Variants in HLA-DRB5 observed in about 807,000 individuals in gnomAD.
The protein encoded by HLA-DRB5 is major histocompatibility complex, class II, DR beta 5.
A neutral mutation model predicts 22.4 loss-of-function variants in HLA-DRB5; 11 were observed. The ratio of observed to expected loss-of-function variants is 0.49; its 90% confidence interval spans 0.31 to 0.81. The LOEUF (loss-of-function observed/expected upper bound fraction) is 0.81. HLA-DRB5 is among the 40% of genes least tolerant of loss of function. The pLI is 0.05. For synonymous variants in HLA-DRB5, 57 were observed against 106.0 expected, an observed-to-expected ratio of 0.54 and a Z score of 2.84; for missense variants, 106 against 274.4, an observed-to-expected ratio of 0.39 and a Z score of 4.34.
chr6:32,518,548 C>A lies in HLA-DRB5; in HGVS notation c.763+8G>T. Reference sequence around the variant, plus strand: ...CTATGGAGAGAGCCGCTACCAAAGGCTCCTCACCTTTCTGATTCTTGAAGT... The same window carrying A: ...CTATGGAGAGAGCCGCTACCAAAGGATCCTCACCTTTCTGATTCTTGAAGT... On this transcript the variant is annotated splice_region_variant and intron_variant, in intron 4 of 5. Coordinates refer to ENST00000374975, the MANE Select transcript of HLA-DRB5 (RefSeq NM_002125.4). 1.9e-6 allele frequency: 1 copy of A among 536,438 alleles called. No individual in the cohort carries two copies. The highest frequency in any genetic ancestry group is 2.7e-6 in the Non-Finnish European group (1 of 376,066). 33.2% of individuals were successfully genotyped at this position (536,438 alleles called of 1,614,324 possible). A position where few individuals can be genotyped will look rare whatever the true frequency, so the allele number is the denominator to read the frequency against.
Position 32,526,900 on chromosome 6 carries a change from T to C in HLA-DRB5, c.100+3225A>G, listed in dbSNP as rs193182192. ...AAATCATCTCAAACTTAAACAAAAC[T>C]TTTATTTCCAACCACCCACTTCAAA... is the stretch of plus-strand genomic sequence containing the variant. On this transcript the variant is annotated intron_variant, in intron 1 of 5. Coordinates refer to ENST00000374975, the MANE Select transcript of HLA-DRB5 (RefSeq NM_002125.4). Among the ~76,000 whole-genome samples, 20 of 91,416 alleles carry C rather than the reference T, an allele frequency of 2.2e-4. No homozygotes were observed. In the East Asian group the frequency reaches 4.0e-3, roughly 18 times the overall value. 60.0% of individuals were successfully genotyped at this position (91,416 alleles called of 152,430 possible). A position where few individuals can be genotyped will look rare whatever the true frequency, so the allele number is the denominator to read the frequency against.
chr6:32,526,812 C>T lies in HLA-DRB5; in HGVS notation c.100+3313G>A, dbSNP rs528260738. ...GGGATTACAGGCATGAGTCACTGCG[C>T]CTGGCCCACCATGAGTCTTTTAAAT... On this transcript the variant is annotated intron_variant, in intron 1 of 5. Transcript: ENST00000374975. Among the ~76,000 whole-genome samples the T allele has an allele frequency of 7.4e-4, 27 of 36,346 alleles. 13 individuals are homozygous for T. In the Admixed American group the frequency reaches 0.01, roughly 13 times the overall value. The allele number at this position is 36,346 out of a possible 152,430, so 23.8% of individuals were successfully genotyped here.
intron 4 of HLA-DRB5, 114 bp downstream of exon 4, chr6:32,518,442 T>C (rs72508427): frequency 2.3e-5 from 7 of 298,032 alleles, no homozygotes; most frequent in South Asian, 3.7e-5. Flanking sequence ...AGGTCATTTG[T>C]GGAAAGAAAG....
At chr6:32,524,524 C>A (rs115918114) in intron 1 of HLA-DRB5, among the ~76,000 whole-genome samples, 23,338 of 64,550 alleles carry the variant, frequency 0.36, 1,548 homozygotes, top group Middle Eastern at 0.46. Context: ...CTCAGAAAGT[C>A]AGAAACCAAG....
intron 2 of HLA-DRB5, among the ~76,000 whole-genome samples, chr6:32,521,277 T>C (rs1235608598): frequency 5.7e-3 from 315 of 54,938 alleles, no homozygotes; most frequent in Middle Eastern, 0.026. Context: ...TATGTAAAAA[T>C]ATACACACTA....
chr6:32,528,453 C>G (rs1220493378), intron 1 of HLA-DRB5, among the ~76,000 whole-genome samples: 170 of 53,560 alleles, frequency 3.2e-3, no homozygotes, highest in East Asian at 6.3e-3. Context: ...AACCATGGTT[C>G]TGGGAACTGA....
chr6:32,521,967 G>T lies in HLA-DRB5; in HGVS notation c.308C>A (p.Ala103Glu), dbSNP rs1059598. The T allele has an allele frequency of 0.043, 40,684 of 951,068 alleles. 5,110 individuals carry two copies. The highest frequency in any genetic ancestry group is 0.2 in the Admixed American group (7,426 of 36,714). 58.9% of individuals were successfully genotyped at this position (951,068 alleles called of 1,614,324 possible). A position where few individuals can be genotyped will look rare whatever the true frequency, so the allele number is the denominator to read the frequency against. Residue 103 changes from alanine to glutamate, a missense_variant, in exon 2 of 6, where the codon GCG (alanine) becomes GAG (glutamate). Physicochemically the swap from Ala to Glu is moderately radical, Grantham distance 107. Coordinates refer to ENST00000374975, the MANE Select transcript of HLA-DRB5 (RefSeq NM_002125.4). ...GTTGTGTCTGCAGTAGGTGTCCACCGCGGCGCGCCTGTCTTCCAGGAAGTC... is the reference window on the plus strand; with the variant it reads ...GTTGTGTCTGCAGTAGGTGTCCACCTCGGCGCGCCTGTCTTCCAGGAAGTC... ...QKDFLEDRRA[A>E]VDTYCRHNYG...
intron 1 of HLA-DRB5, among the ~76,000 whole-genome samples, chr6:32,529,781 T>A: frequency 7.1e-6 from 1 of 140,276 alleles, no homozygotes. Flanking sequence ...TCGTTTTGTC[T>A]GACATAGGTC....
intron 1 of HLA-DRB5, among the ~76,000 whole-genome samples, chr6:32,526,180 T>C (rs1769607938): frequency 1.4e-5 from 1 of 72,802 alleles, no homozygotes; most frequent in Non-Finnish European, 2.7e-5. Context: ...CCCTGGATAC[T>C]CTACTGACTG....
intron 1 of HLA-DRB5, among the ~76,000 whole-genome samples, chr6:32,523,124 C>A (rs535671659): frequency 0.049 from 2,080 of 42,522 alleles, 56 homozygotes; most frequent in Middle Eastern, 0.1. Flanking sequence ...GGGAAAGTAT[C>A]AAAGAGATTT....
At chr6:32,520,015 G>A (rs182451204) in intron 2 of HLA-DRB5, among the ~76,000 whole-genome samples, 3,485 of 25,478 alleles carry the variant, frequency 0.14, 1,434 homozygotes, top group Admixed American at 0.32. Flanking sequence ...AGAGTTTTTC[G>A]ATTCTTCTGT....
chr6:32,524,905 T>A lies in HLA-DRB5; in HGVS notation c.101-2731A>T, dbSNP rs1474855643. ...AATTCAGATTTAACTAGGAACCTGT[T>A]TGTTATCTGACAACCCTAGCCAGAC... On this transcript the variant is annotated intron_variant, in intron 1 of 5. Coordinates refer to ENST00000374975, the MANE Select transcript of HLA-DRB5 (RefSeq NM_002125.4). Among the ~76,000 whole-genome samples the A allele has an allele frequency of 4.1e-3, 113 of 27,842 alleles. 13 individuals carry two copies. The highest frequency in any genetic ancestry group is 7.2e-3 in the East Asian group (7 of 972). The allele number at this position is 27,842 out of a possible 152,430, so 18.3% of individuals were successfully genotyped here.
Position 32,521,809 on chromosome 6 carries a change from T to TCACA in HLA-DRB5, c.370+95_370+96insTGTG, listed in dbSNP as rs1364262282. On this transcript the variant is annotated intron_variant, in intron 2 of 5. Transcript: ENST00000374975. ...CTCTCTGTCTCTCTCTTCCTCTCTC[T>TCACA]CTCACACACACACACACACACACAC... The TCACA allele has an allele frequency of 1.2e-5, 4 of 330,122 alleles. 1 individual carries two copies. The highest frequency in any genetic ancestry group is 9.5e-6 in the Non-Finnish European group (2 of 210,284). The allele number at this position is 330,122 out of a possible 1,614,324, so 20.4% of individuals were successfully genotyped here.
At chr6:32,521,338 G>C (rs796414613) in intron 2 of HLA-DRB5, among the ~76,000 whole-genome samples, 427 of 128,256 alleles carry the variant, frequency 3.3e-3, no homozygotes, top group Middle Eastern at 0.015. Context: ...AGAAGCTTCA[G>C]AAGTGCCTCA....
intron 1 of HLA-DRB5, among the ~76,000 whole-genome samples, chr6:32,528,173 C>CAGTTATAGCTGCCT: frequency 1.5e-5 from 1 of 65,656 alleles, no homozygotes. Context: ...GTCACTTTCT[C>CAGTTATAGCTGCCT]AAGTAGGGCT....
At chr6:32,521,811 T>TCTCTCACACACACACACACACACA in intron 2 of HLA-DRB5, 94 bp downstream of exon 2, 2 of 248,814 alleles carry the variant, frequency 8.0e-6, no homozygotes, top group Non-Finnish European at 1.3e-5. Flanking sequence ...CCTCTCTCTC[T>TCTCTCACACACACACACACACACA]CACACACACA....
At position 32,517,452 on chromosome 6, in the gene HLA-DRB5, C is replaced by A; in HGVS notation, c.*287G>T. 1 of 83,066 alleles carries A rather than the reference C, an allele frequency of 1.2e-5. No homozygotes were observed. The highest frequency in any genetic ancestry group is 2.2e-5 in the Non-Finnish European group (1 of 45,646). The allele number at this position is 83,066 out of a possible 1,614,324, so 5.1% of individuals were successfully genotyped here. A position where few individuals can be genotyped will look rare whatever the true frequency, so the allele number is the denominator to read the frequency against. On this transcript the variant is annotated 3_prime_UTR_variant, in exon 6 of 6. Transcript: ENST00000374975. ...TTCAGAAAAATTTAATAACGTAGTG[C>A]ATTTGTGGCACACAGGGGGAGTACA...
Position 32,527,437 on chromosome 6 carries a change from T to G in HLA-DRB5, c.100+2688A>C, listed in dbSNP as rs1274581553. ...TCTCTTGAACCCAGAAGGCAGAGGC[T>G]GCAGTGAGCCGAGATAGTGCCACTG... On this transcript the variant is annotated intron_variant, in intron 1 of 5. Coordinates refer to ENST00000374975, the MANE Select transcript of HLA-DRB5 (RefSeq NM_002125.4). Among the ~76,000 whole-genome samples, 2 of 33,748 alleles carry G rather than the reference T, an allele frequency of 5.9e-5. 1 individual carries two copies. Among genetic ancestry groups the G allele is most frequent in the Non-Finnish European group, 1.2e-4 (2 of 16,946 alleles). 22.1% of individuals were successfully genotyped at this position (33,748 alleles called of 152,430 possible). A position where few individuals can be genotyped will look rare whatever the true frequency, so the allele number is the denominator to read the frequency against.
At chr6:32,529,215 T>G (rs34267617) in intron 1 of HLA-DRB5, among the ~76,000 whole-genome samples, 60,080 of 102,748 alleles carry the variant, frequency 0.58, 16,334 homozygotes, top group Middle Eastern at 0.71. Flanking sequence ...ACATTCTCTC[T>G]GTAACCCCAC....
Sources: allele counts gnomAD v4.1 joint callset (sites outside exome capture counted in the v4.1 genomes callset), GRCh38; gene constraint gnomAD v4.1.1; transcripts MANE v1.5; gene names NCBI Gene and HGNC (gene_info 2026-07-23, HGNC 2026-07-21).